GPHN: variants seen among roughly 807,000 people sequenced by gnomAD.
The protein encoded by GPHN is gephyrin.
Under a neutral mutation model 95.5 loss-of-function variants are expected in GPHN, and 17 were observed. The observed-to-expected ratio is 0.18, with a 90% CI of 0.12 to 0.27. GPHN has a LOEUF of 0.27. Among genes scored for constraint, GPHN ranks in the 10% least tolerant of loss-of-function variants. The probability of loss-of-function intolerance (pLI) is 1.00; values close to 1 mark genes in which losing one functional copy is unlikely to be tolerated. For synonymous variants in GPHN, 320 were observed against 322.5 expected (o/e 0.99, Z 0.08); for missense variants, 660 against 978.1 (o/e 0.67, Z 4.34).
intron 4 of GPHN, among the ~76,000 whole-genome samples, chr14:66,858,626 G>C (rs1252093934): frequency 1.3e-5 from 2 of 151,952 alleles, no homozygotes; most frequent in Non-Finnish European, 2.9e-5. Flanking sequence ...GACTCTTTCT[G>C]CTTGAGAAAA....
intron 8 of GPHN, among the ~76,000 whole-genome samples, chr14:66,932,454 T>TG (rs1192951627): frequency 5.5e-5 from 6 of 109,848 alleles, no homozygotes; most frequent in South Asian, 3.4e-4. Flanking sequence ...GTTTTTTTTT[T>TG]TTTTTTTTTT....
intron 17 of GPHN, among the ~76,000 whole-genome samples, chr14:67,127,679 A>G (rs2079416034): frequency 6.6e-6 from 1 of 152,244 alleles, no homozygotes; most frequent in Non-Finnish European, 1.5e-5. Flanking sequence ...TGCGTCTGCT[A>G]TGAATTTTAA....
the GPHN span, among the ~76,000 whole-genome samples, chr14:67,682,886 G>T: frequency 6.6e-6 from 1 of 152,216 alleles, no homozygotes; most frequent in Non-Finnish European, 1.5e-5. Context: ...ACAATGAAAT[G>T]TTATCCAGCA....
At chr14:66,541,235 G>T (rs542645010) in intron 1 of GPHN, among the ~76,000 whole-genome samples, 2 of 152,250 alleles carry the variant, frequency 1.3e-5, no homozygotes, top group South Asian at 4.1e-4. Context: ...GGTGTGAGCC[G>T]CTGCACCCAG....
chr14:67,700,162 T>C, the GPHN span, among the ~76,000 whole-genome samples: 1 of 151,756 alleles, frequency 6.6e-6, no homozygotes, highest in African/African-American at 2.4e-5. Flanking sequence ...TTAATTAAAA[T>C]ACAGGAAGAG....
the GPHN span, among the ~76,000 whole-genome samples, chr14:67,624,527 T>A: frequency 6.6e-6 from 1 of 152,170 alleles, no homozygotes; most frequent in Non-Finnish European, 1.5e-5. Context: ...ACGTCTTATA[T>A]GGCAGGAGCA....
chr14:67,590,798 T>C, the GPHN span, among the ~76,000 whole-genome samples: 6 of 152,234 alleles, frequency 3.9e-5, no homozygotes, highest in African/African-American at 1.4e-4. Context: ...TTGTGAACTA[T>C]GCGAGGTGGG....
the GPHN span, chr14:67,691,208 C>G: frequency 1.9e-6 from 3 of 1,614,036 alleles, no homozygotes; most frequent in Non-Finnish European, 2.5e-6. Context: ...CATCATCACT[C>G]CTGCATTGTT....
intron 10 of GPHN, among the ~76,000 whole-genome samples, 167 bp from the exon 11 acceptor site, chr14:67,058,482 A>G (rs925687415): frequency 2.6e-5 from 4 of 152,232 alleles, no homozygotes; most frequent in African/African-American, 4.8e-5. Flanking sequence ...ACTTGATTTA[A>G]TGTTCCACCA....
chr14:66,887,208 C>A (rs997168453), intron 5 of GPHN, among the ~76,000 whole-genome samples: 1 of 152,164 alleles, frequency 6.6e-6, no homozygotes, highest in African/African-American at 2.4e-5. Context: ...AAATACCCAA[C>A]TTCAGCTCAC....
the GPHN span, chr14:67,225,315 C>G: frequency 1.5e-4 from 194 of 1,284,400 alleles, no homozygotes; most frequent in African/African-American, 2.8e-3. Flanking sequence ...AGCTATGATA[C>G]TGTCACACAA....
chr14:66,532,279 G>A (rs1360607368), intron 1 of GPHN, among the ~76,000 whole-genome samples: 1 of 152,150 alleles, frequency 6.6e-6, no homozygotes, highest in Non-Finnish European at 1.5e-5. Flanking sequence ...ATATCTGGAG[G>A]CTCAACTGGG....
the GPHN span, among the ~76,000 whole-genome samples, chr14:67,485,537 C>T: frequency 6.6e-6 from 1 of 152,170 alleles, no homozygotes; most frequent in Non-Finnish European, 1.5e-5. Flanking sequence ...AGCCTAGGAA[C>T]TCCAAAAAAA....
the GPHN span, among the ~76,000 whole-genome samples, chr14:67,326,221 ATTTTTTTTTTTTTTTTTTTTT>A: frequency 1.1e-3 from 14 of 12,914 alleles, no homozygotes; most frequent in East Asian, 4.2e-3. Flanking sequence ...TTTAGGTCTG[ATTTTTTTTTTTTTTTTTTTTT>A]TTTTTTTTTT....
intron 1 of GPHN, among the ~76,000 whole-genome samples, chr14:66,576,626 C>T (rs574663158): frequency 1.3e-5 from 2 of 152,192 alleles, no homozygotes; most frequent in Non-Finnish European, 2.9e-5. Context: ...ATTTTCTATG[C>T]ACAATCTAAG....
At chr14:67,690,969 A>G in the GPHN span, 1 of 624,214 alleles carries the variant, frequency 1.6e-6, no homozygotes, top group Non-Finnish European at 2.9e-6. Context: ...CAGAACCTGG[A>G]GCAGCCCTCA....
At chr14:67,330,341 G>A in the GPHN span, among the ~76,000 whole-genome samples, 2 of 151,470 alleles carry the variant, frequency 1.3e-5, no homozygotes, top group South Asian at 4.2e-4. Flanking sequence ...CTTTTCAAAT[G>A]TAGGCATTTG....
chr14:67,039,246 A>G (rs2074579478), intron 10 of GPHN, among the ~76,000 whole-genome samples: 1 of 151,992 alleles, frequency 6.6e-6, no homozygotes, highest in Non-Finnish European at 1.5e-5. Flanking sequence ...GATCTTTGTA[A>G]TTTTGTTCAT....
At chr14:67,645,332 T>C in the GPHN span, among the ~76,000 whole-genome samples, 1 of 152,196 alleles carries the variant, frequency 6.6e-6, no homozygotes, top group Non-Finnish European at 1.5e-5. Context: ...TTTCATTCAT[T>C]GAACAAATAT....
Sources: gnomAD v4.1 joint callset for allele counts (sites outside exome capture counted in the v4.1 genomes callset) on GRCh38, gnomAD v4.1.1 for gene constraint, MANE v1.5 for transcripts, NCBI Gene and HGNC (gene_info 2026-07-23, HGNC 2026-07-21) for gene names.